Variants in CSMD3 observed in about 807,000 individuals in gnomAD.
The protein encoded by CSMD3 is CUB and sushi domain-containing protein 3.
Under a neutral mutation model 435.2 loss-of-function variants are expected in CSMD3, and 177 were observed. The observed-to-expected ratio is 0.41, with a 90% CI of 0.36 to 0.46. The LOEUF is 0.46. CSMD3 is among the 20% of genes least tolerant of loss of function. CSMD3 has a pLI of 0.34. For synonymous variants in CSMD3, 1,656 were observed against 1,520.5 expected (o/e 1.09, Z -2.07); for missense variants, 4,265 against 4,504.6 (o/e 0.95, Z 1.52).
chr8:113,413,886 G>A (rs1207039743), intron 1 of CSMD3, among the ~76,000 whole-genome samples: 1 of 152,146 alleles, frequency 6.6e-6, no homozygotes, highest in Non-Finnish European at 1.5e-5. Context: ...GTGTTCGAAT[G>A]TCCTCAGAAG....
intron 24 of CSMD3, among the ~76,000 whole-genome samples, chr8:112,568,725 A>G (rs1261089013): frequency 6.6e-6 from 1 of 152,172 alleles, no homozygotes; most frequent in African/African-American, 2.4e-5. Context: ...TAGTAGAGCT[A>G]AAAATATTAA....
rs567330442 is a variant in CSMD3 at position 112,656,220 on chromosome 8, A to G, written c.2938T>C (p.Phe980Leu). The G allele has an allele frequency of 6.3e-7, 1 of 1,594,612 alleles. No homozygotes were observed. The highest frequency in any genetic ancestry group is 1.3e-5 in the African/African-American group (1 of 74,572). ...VPQFLFSSSN[F>L]IYLLFTTDNS... is the part of the protein sequence containing the mutation. ...TCTGTTGTAAATAGAAGGTATATAA[A>G]ATTACTGCTACTAAATAGAAACTGG... Residue 980 changes from phenylalanine (F) to leucine (L), a missense_variant, in exon 18 of 71, where the codon TTT becomes CTT. Transcript: ENST00000297405.
chr8:112,411,122 CTTTT>C (rs144741058), intron 32 of CSMD3, among the ~76,000 whole-genome samples: 1 of 136,518 alleles, frequency 7.3e-6, no homozygotes. Context: ...AAAAATTCAT[CTTTT>C]TTTTTTTTTT....
At chr8:112,933,911 G>T (rs1215350691) in intron 9 of CSMD3, among the ~76,000 whole-genome samples, 1 of 152,064 alleles carries the variant, frequency 6.6e-6, no homozygotes, top group Non-Finnish European at 1.5e-5. Context: ...ACAGGTTGCA[G>T]ACAGGCATAC....
At chr8:113,158,783 T>G (rs1235995256) in intron 4 of CSMD3, among the ~76,000 whole-genome samples, 2 of 151,968 alleles carry the variant, frequency 1.3e-5, no homozygotes, top group Admixed American at 6.6e-5. Context: ...TATAGATAGA[T>G]GTACATGTAT....
chr8:112,520,778 T>A (rs1395058133), intron 27 of CSMD3, among the ~76,000 whole-genome samples: 2 of 151,990 alleles, frequency 1.3e-5, no homozygotes, highest in Non-Finnish European at 2.9e-5. Context: ...AACTACAATA[T>A]GAAGAACATT....
At chr8:112,473,625 T>C (rs943202971) in intron 31 of CSMD3, among the ~76,000 whole-genome samples, 1 of 151,830 alleles carries the variant, frequency 6.6e-6, no homozygotes, top group African/African-American at 2.4e-5. Context: ...TGTTGCAAAG[T>C]GATTAATAAA....
chr8:113,126,297 A>AG (rs1230598231), intron 4 of CSMD3, among the ~76,000 whole-genome samples: 1 of 151,972 alleles, frequency 6.6e-6, no homozygotes, highest in Non-Finnish European at 1.5e-5. Flanking sequence ...GAAGCACAGA[A>AG]GGAAAAACTA....
rs1354758891 is a variant in CSMD3, at chr8:112,517,144, G to T, written c.4646C>A (p.Thr1549Asn). 5 of 1,613,418 alleles carry T rather than the reference G, an allele frequency of 3.1e-6. No homozygotes were observed. The highest frequency in any genetic ancestry group is 4.2e-6 in the Non-Finnish European group (5 of 1,179,698). Reference protein sequence around the residue: ...RNGDGREPGDTVVFQCDPGYE... With the variant: ...RNGDGREPGDNVVFQCDPGYE... ...TCCTGGGTCACATTGAAAAACAACAGTGTCCCCAGGTTCTCTTCCATCCCC... is the reference window on the plus strand; with the variant it reads ...TCCTGGGTCACATTGAAAAACAACATTGTCCCCAGGTTCTCTTCCATCCCC... Residue 1549 changes from threonine to asparagine, a missense_variant, in exon 28 of 71, where the codon ACT becomes AAT. Around this residue, in one of 3 missense-constraint regions of CSMD3, gnomAD observed 3,255 missense variants for 3,380.2 expected, o/e 0.96. Transcript: ENST00000297405.
Position 112,534,980 on chromosome 8 carries a change from A to G in CSMD3, c.4564+15691T>C, listed in dbSNP as rs907314001. ...AAAAGGCCTTTGACAAAATTCAACAACCCTTCATGCTAAAAACTCTCAATA... is the reference window on the plus strand; with the variant it reads ...AAAAGGCCTTTGACAAAATTCAACAGCCCTTCATGCTAAAAACTCTCAATA... On this transcript the variant is annotated intron_variant, in intron 27 of 70. Coordinates refer to ENST00000297405, the MANE Select transcript of CSMD3 (RefSeq NM_198123.2). 3.9e-5 allele frequency among the ~76,000 whole-genome samples: 6 copies of G among 152,184 alleles called. 1 individual carries two copies. The South Asian group carries it at 1.2e-3, about 32-fold the overall frequency.
At chr8:112,249,078 C>A (rs1815025895) in intron 63 of CSMD3, among the ~76,000 whole-genome samples, 1 of 152,050 alleles carries the variant, frequency 6.6e-6, no homozygotes, top group Admixed American at 6.6e-5. Context: ...GTTTGCAGTT[C>A]TATTCTTCAG....
At chr8:112,576,571 C>T (rs962837885) in intron 23 of CSMD3, among the ~76,000 whole-genome samples, 2 of 151,246 alleles carry the variant, frequency 1.3e-5, no homozygotes, top group African/African-American at 4.9e-5. Flanking sequence ...TGTCTGTTGC[C>T]CATGCTGGAG....
intron 32 of CSMD3, among the ~76,000 whole-genome samples, chr8:112,436,021 C>T (rs953659410): frequency 8.5e-5 from 13 of 152,052 alleles, no homozygotes; most frequent in Non-Finnish European, 1.9e-4. Flanking sequence ...ATAAATCAGA[C>T]ATGACACACT....
chr8:113,037,569 T>C (rs1426021292), intron 5 of CSMD3, among the ~76,000 whole-genome samples: 2 of 152,178 alleles, frequency 1.3e-5, no homozygotes, highest in Non-Finnish European at 2.9e-5. Flanking sequence ...CAGTATGTTG[T>C]ACTACATTGA....
intron 5 of CSMD3, among the ~76,000 whole-genome samples, chr8:113,028,994 A>G (rs1189935810): frequency 1.3e-5 from 2 of 151,588 alleles, no homozygotes; most frequent in African/African-American, 4.8e-5. Flanking sequence ...TCATAGCTAC[A>G]GAGAAGTCAA....
At chr8:112,779,906 A>G (rs2078340430) in intron 13 of CSMD3, among the ~76,000 whole-genome samples, 1 of 152,038 alleles carries the variant, frequency 6.6e-6, no homozygotes. Context: ...CATATATCCT[A>G]TTTTATCTTC....
At chr8:113,167,102 C>A (rs941697000) in intron 4 of CSMD3, among the ~76,000 whole-genome samples, 3 of 152,086 alleles carry the variant, frequency 2.0e-5, no homozygotes, top group Non-Finnish European at 4.4e-5. Context: ...CTAGAGTCTA[C>A]TCTTTCCAGA....
At chr8:113,275,959 A>G (rs1042224239) in intron 3 of CSMD3, among the ~76,000 whole-genome samples, 5 of 152,048 alleles carry the variant, frequency 3.3e-5, no homozygotes, top group East Asian at 1.9e-4. Context: ...GTAACTGCAG[A>G]AAAAAAACTG....
chr8:113,359,058 C>G (rs2094253800), intron 1 of CSMD3, among the ~76,000 whole-genome samples: 1 of 151,934 alleles, frequency 6.6e-6, no homozygotes, highest in African/African-American at 2.4e-5. Context: ...AAAAAAAAAT[C>G]TGTGAATATA....
Sources: gnomAD v4.1 joint callset for allele counts (sites outside exome capture counted in the v4.1 genomes callset) on GRCh38, gnomAD v4.1.1 for gene constraint, gnomAD v4.1.1 regional missense constraint, MANE v1.5 for transcripts, NCBI Gene and HGNC (gene_info 2026-07-23, HGNC 2026-07-21) for gene names.